SLC35D1: variants seen among roughly 807,000 people sequenced by gnomAD.
SLC35D1 encodes solute carrier family 35 member D1.
A neutral mutation model predicts 46.7 loss-of-function variants in SLC35D1; 31 were observed. The ratio of observed to expected loss-of-function variants is 0.66; its 90% CI spans 0.50 to 0.90. SLC35D1 has a LOEUF of 0.90. Ranked by LOEUF, SLC35D1 falls within the 40% of genes least tolerant of loss-of-function variation. The pLI is 0.00. For missense variants in SLC35D1, 397 were observed against 426.2 expected, an observed-to-expected ratio of 0.93 and a Z score of 0.60; for synonymous variants, 195 against 164.6, an observed-to-expected ratio of 1.18 and a Z score of -1.41.
intron 10 of SLC35D1, among the ~76,000 whole-genome samples, chr1:67,011,411 C>A (rs1397262899): frequency 6.6e-6 from 1 of 152,176 alleles, no homozygotes; most frequent in Non-Finnish European, 1.5e-5. Flanking sequence ...AGCCAGGCTC[C>A]AGACCTCTTT....
At chr1:67,021,319 A>T (rs867206923) in intron 9 of SLC35D1, among the ~76,000 whole-genome samples, 1 of 152,190 alleles carries the variant, frequency 6.6e-6, no homozygotes, top group African/African-American at 2.4e-5. Flanking sequence ...GCAGGTTATC[A>T]GGTAAATTTT....
chr1:67,004,377 T>A lies in SLC35D1; in HGVS notation c.1031A>T (p.Asn344Ile). ...EEQLSKQSEA[N>I]NKLDIKGKGA... ...TTTCCCCTTAATGTCCAGCTTGTTA[T>A]TAGCCTCTGACTGTTTGCTCAGCTG... Residue 344 changes from asparagine (N) to isoleucine (I), a missense_variant, in exon 12 of 12, where the codon AAT (asparagine) becomes ATT (isoleucine). Physicochemically the swap from Asn to Ile is moderately radical, Grantham distance 149 (BLOSUM62 -3). Coordinates refer to ENST00000235345, the MANE Select transcript of SLC35D1 (RefSeq NM_015139.3). 2 of 1,614,044 alleles carry A rather than the reference T, an allele frequency of 1.2e-6. No homozygotes were observed. The highest frequency in any genetic ancestry group is 8.5e-7 in the Non-Finnish European group (1 of 1,179,962).
chr1:67,035,861 CT>C (rs1443863878), intron 8 of SLC35D1, among the ~76,000 whole-genome samples: 2 of 144,382 alleles, frequency 1.4e-5, no homozygotes, highest in African/African-American at 5.1e-5. Context: ...CCTCTCAGTA[CT>C]GTTTTTGCTG....
rs781589127 is a variant in SLC35D1, at chr1:67,053,845, C to T, written c.169G>A (p.Val57Met). 5 of 1,613,116 alleles carry T rather than the reference C, an allele frequency of 3.1e-6. No individual in the cohort carries two copies. The highest frequency in any genetic ancestry group is 1.1e-5 in the South Asian group (1 of 91,028). ...GFYGVSSFLI[V>M]VVNKSVLTNY... ...GTGAGCACGCTCTTATTCACCACCA[C>T]GATCAGGAAGGAGCTCACGCCGTAA... Residue 57 changes from valine (V) to methionine (M), a missense_variant, in exon 1 of 12, where the codon GTG becomes ATG. Physicochemically the swap from Val to Met is conservative, Grantham distance 21. Coordinates refer to ENST00000235345, the MANE Select transcript of SLC35D1 (RefSeq NM_015139.3).
At chr1:67,023,305 G>A (rs1667849141) in intron 8 of SLC35D1, among the ~76,000 whole-genome samples, 2 of 152,164 alleles carry the variant, frequency 1.3e-5, no homozygotes, top group Admixed American at 6.5e-5. Context: ...CTATATAAGA[G>A]CTCCCACTGA....
intron 8 of SLC35D1, among the ~76,000 whole-genome samples, chr1:67,022,597 G>T (rs1409334550): frequency 6.6e-6 from 1 of 152,106 alleles, no homozygotes; most frequent in African/African-American, 2.4e-5. Flanking sequence ...TCTATACCAT[G>T]TCTACAGAAT....
chr1:67,009,987 T>C (rs922199011), intron 10 of SLC35D1, among the ~76,000 whole-genome samples: 1 of 152,164 alleles, frequency 6.6e-6, no homozygotes, highest in Non-Finnish European at 1.5e-5. Context: ...ATATACATCA[T>C]GGAATACAAT....
chr1:67,022,032 T>C (rs1667818312), intron 8 of SLC35D1, among the ~76,000 whole-genome samples: 1 of 152,186 alleles, frequency 6.6e-6, no homozygotes. Flanking sequence ...TTCTGTAACA[T>C]GTGAAAGCTT....
At chr1:66,974,099 AT>A in the SLC35D1 span, among the ~76,000 whole-genome samples, 255 of 148,512 alleles carry the variant, frequency 1.7e-3, 1 homozygote, top group Admixed American at 3.4e-3. Context: ...TATTTTTATT[AT>A]TTTTTTTTTA....
chr1:67,051,325 T>C (rs920023209), intron 4 of SLC35D1, among the ~76,000 whole-genome samples: 6 of 152,238 alleles, frequency 3.9e-5, no homozygotes, highest in Admixed American at 6.5e-5. Flanking sequence ...GCTTGTGTGG[T>C]AGTGGTGAAG....
downstream of SLC35D1, among the ~76,000 whole-genome samples, chr1:66,997,243 C>T (rs1033476411): frequency 1.3e-5 from 2 of 151,898 alleles, no homozygotes; most frequent in African/African-American, 2.4e-5. Context: ...GGGCACAGCA[C>T]CTTACACCTG....
chr1:67,052,856 A>G lies in SLC35D1; in HGVS notation c.239T>C (p.Met80Thr), dbSNP rs1467099126. The G allele has an allele frequency of 6.2e-7, 1 of 1,614,180 alleles. No homozygotes were observed. The highest frequency in any genetic ancestry group is 1.1e-5 in the South Asian group (1 of 91,072). ...PSSLCVGLGQMVATVAVLWVG... is the reference protein window; with the variant it reads ...PSSLCVGLGQTVATVAVLWVG... The stretch of plus-strand genomic sequence containing the variant: ...CCAGAGAACTGCCACTGTGGCCACC[A>G]TCTGTAAACAAGAGAACACAGATTC... The change falls in exon 3 of 12, where the codon ATG (methionine) becomes ACG (threonine). Residue 80 changes from methionine to threonine, a missense_variant and splice_region_variant. By Grantham distance (81) the Met-to-Thr change is moderately conservative. Coordinates refer to ENST00000235345, the MANE Select transcript of SLC35D1 (RefSeq NM_015139.3).
At chr1:66,997,970 C>G (rs541381536), downstream of SLC35D1, among the ~76,000 whole-genome samples, 9 of 151,736 alleles carry the variant, frequency 5.9e-5, no homozygotes, top group Admixed American at 5.9e-4. Flanking sequence ...CAAATCAAAA[C>G]CAGAACAAGA....
intron 7 of SLC35D1, among the ~76,000 whole-genome samples, chr1:67,045,958 GATCA>G (rs899301850): frequency 1.3e-5 from 2 of 152,128 alleles, no homozygotes; most frequent in Admixed American, 6.5e-5. Flanking sequence ...AAAAGAGTAA[GATCA>G]ATCACTAACT....
intron 8 of SLC35D1, among the ~76,000 whole-genome samples, chr1:67,026,172 G>A (rs55817316): frequency 2.0e-5 from 3 of 152,048 alleles, no homozygotes; most frequent in Non-Finnish European, 2.9e-5. Context: ...CCTTTCTTAT[G>A]CTGAGAAAGT....
rs938155347 is a variant in SLC35D1, at chr1:67,000,650, T to C, written c.*3690A>G. ...AGCCACATTTGCTGAGGGCCTAATA[T>C]GTACCAGGCATTGTGCTAAGTAGTT... is the stretch of plus-strand genomic sequence containing the variant. On this transcript the variant is annotated 3_prime_UTR_variant, in exon 12 of 12. Coordinates refer to ENST00000235345, the MANE Select transcript of SLC35D1 (RefSeq NM_015139.3). 2.6e-5 allele frequency: 4 copies of C among 152,230 alleles called. No homozygotes were observed. Among genetic ancestry groups the C allele is most frequent in the African/African-American group, 7.2e-5 (3 of 41,450 alleles). 9.4% of individuals were successfully genotyped at this position (152,230 alleles called of 1,614,324 possible). A position where few individuals can be genotyped will look rare whatever the true frequency, so the allele number is the denominator to read the frequency against.
rs1667805861 is a variant in SLC35D1, at chr1:67,021,708, CACAGACACAG to C, written c.730-116_730-107del. 7.8e-5 allele frequency: 18 copies of C among 231,144 alleles called. 1 individual carries two copies. The highest frequency in any genetic ancestry group is 3.2e-4 in the African/African-American group (11 of 34,636). The allele number at this position is 231,144 out of a possible 1,614,324, so 14.3% of individuals were successfully genotyped here. On this transcript the variant is annotated intron_variant, in intron 8 of 11. Coordinates refer to ENST00000235345, the MANE Select transcript of SLC35D1 (RefSeq NM_015139.3). ...AGTCTGCCTCCAACACAGACACAGA[CACAGACACAG>C]ACACAGACACACACACACACACACA...
Position 67,042,163 on chromosome 1 carries a change from G to A in SLC35D1, c.729+73C>T, listed in dbSNP as rs879096247. On this transcript the variant is annotated intron_variant, in intron 8 of 11. Coordinates refer to ENST00000235345, the MANE Select transcript of SLC35D1 (RefSeq NM_015139.3). ...AAGCATATTTCTTTTGAACAACAAA[G>A]CCTATCTTTTCATCATAAATAATAA... 5.1e-6 allele frequency: 7 copies of A among 1,362,668 alleles called. No individual in the cohort carries two copies. In the South Asian group the frequency reaches 8.1e-5, roughly 16 times the overall value. 84.4% of individuals were successfully genotyped at this position (1,362,668 alleles called of 1,614,324 possible).
chr1:67,026,012 A>C (rs569622821), intron 8 of SLC35D1, among the ~76,000 whole-genome samples: 10 of 152,166 alleles, frequency 6.6e-5, no homozygotes, highest in Non-Finnish European at 1.5e-4. Flanking sequence ...TTTCAAATCT[A>C]TATTATACAG....
Sources: gnomAD v4.1 joint callset for allele counts (sites outside exome capture counted in the v4.1 genomes callset) on GRCh38, gnomAD v4.1.1 for gene constraint, MANE v1.5 for transcripts, NCBI Gene and HGNC (gene_info 2026-07-23, HGNC 2026-07-21) for gene names.